Variants in COL21A1 observed in about 807,000 individuals in gnomAD.
COL21A1 encodes the protein collagen alpha-1(XXI) chain.
In COL21A1, 149 loss-of-function variants were observed where a neutral mutation model predicts 137.9. That is an observed-to-expected ratio of 1.08 (90% confidence interval 0.95 to 1.24). The LOEUF (loss-of-function observed/expected upper bound fraction) is 1.24. Ranked by LOEUF, COL21A1 falls within the 50% of genes most tolerant of loss-of-function variation. COL21A1 has a pLI of 0.00. For missense variants in COL21A1, 1,167 were observed against 1,158.4 expected, an observed-to-expected ratio of 1.01 and a Z score of -0.11; for synonymous variants, 456 against 391.5, an observed-to-expected ratio of 1.16 and a Z score of -1.95.
intron 1 of COL21A1, among the ~76,000 whole-genome samples, chr6:56,364,216 A>G (rs1766045543): frequency 6.6e-6 from 1 of 152,088 alleles, no homozygotes; most frequent in Non-Finnish European, 1.5e-5. Context: ...TGGCAGAGGG[A>G]ACCATCGAGA....
At chr6:56,299,169 C>T (rs552788441) in intron 1 of COL21A1, among the ~76,000 whole-genome samples, 22 of 152,162 alleles carry the variant, frequency 1.4e-4, no homozygotes, top group Admixed American at 1.0e-3. Context: ...GGTTCAAACA[C>T]GGAGCTAAAT....
intron 1 of COL21A1, among the ~76,000 whole-genome samples, chr6:56,286,704 C>A (rs1447717011): frequency 6.6e-6 from 1 of 151,826 alleles, no homozygotes; most frequent in Non-Finnish European, 1.5e-5. Context: ...TCTGTTTTTT[C>A]CAACTGAAAA....
intron 1 of COL21A1, among the ~76,000 whole-genome samples, chr6:56,189,334 A>G (rs1172776790): frequency 6.6e-6 from 1 of 151,978 alleles, no homozygotes; most frequent in Non-Finnish European, 1.5e-5. Context: ...ACAAGTATCA[A>G]TAGCTGAATC....
chr6:56,086,021 C>G (rs779698214), intron 17 of COL21A1, among the ~76,000 whole-genome samples: 1 of 150,140 alleles, frequency 6.7e-6, no homozygotes, highest in Non-Finnish European at 1.5e-5. Flanking sequence ...AAGTGAGACT[C>G]TCCTGAAAAC....
At chr6:56,158,266 C>CTTTTTTTTTTTTTTTTTT (rs67453245) in intron 9 of COL21A1, among the ~76,000 whole-genome samples, 19 of 62,406 alleles carry the variant, frequency 3.0e-4, no homozygotes, top group East Asian at 5.4e-4. Flanking sequence ...TTTTTTTTTT[C>CTTTTTTTTTTTTTTTTTT]TTTTTTTTTT....
At chr6:56,122,424 T>C (rs1334671173) in intron 16 of COL21A1, among the ~76,000 whole-genome samples, 1 of 151,946 alleles carries the variant, frequency 6.6e-6, no homozygotes, top group Non-Finnish European at 1.5e-5. Context: ...GCCATTCTCC[T>C]GCCTCAGCCT....
At chr6:56,369,447 A>AT (rs916106975) in intron 1 of COL21A1, among the ~76,000 whole-genome samples, 20 of 150,492 alleles carry the variant, frequency 1.3e-4, no homozygotes, top group African/African-American at 4.5e-4. Flanking sequence ...CAAAATATTG[A>AT]TAAAAAAAGT....
In COL21A1 at chr6:56,150,514, TCACACA is replaced by T. The variant is rs747022399; in HGVS notation, c.1434+6367_1434+6372del. 5.2e-3 allele frequency among the ~76,000 whole-genome samples: 241 copies of T among 46,178 alleles called. 3 individuals are homozygous for T. The highest frequency in any genetic ancestry group is 0.033 in the Admixed American group (159 of 4,770). 30.3% of individuals were successfully genotyped at this position (46,178 alleles called of 152,430 possible). A position where few individuals can be genotyped will look rare whatever the true frequency, so the allele number is the denominator to read the frequency against. On this transcript the variant is annotated intron_variant, in intron 10 of 29. Transcript: ENST00000244728. ...GCCTGGGCGACAGAGCGAGACTCCA[TCACACA>T]CACACACACACACACACACACACAC...
chr6:56,274,774 T>G (rs190694880), intron 1 of COL21A1, among the ~76,000 whole-genome samples: 1 of 152,192 alleles, frequency 6.6e-6, no homozygotes, highest in East Asian at 1.9e-4. Context: ...AAAATCAGTA[T>G]TATTAAAATG....
intron 1 of COL21A1, among the ~76,000 whole-genome samples, chr6:56,232,013 CA>C (rs930892409): frequency 3.0e-4 from 45 of 151,844 alleles, no homozygotes; most frequent in African/African-American, 1.0e-3. Flanking sequence ...TCAACACACA[CA>C]AAAAAAGTTA....
rs1016699668 is a variant in COL21A1 at position 56,057,665 on chromosome 6, T to G, written c.2866A>C (p.Asn956His). The G allele has an allele frequency of 3.7e-6, 6 of 1,612,810 alleles. No homozygotes were observed. In the African/African-American group the frequency reaches 8.0e-5, roughly 22 times the overall value. ...GAATGAGGCATCAGACACTAATAGT[T>G]TGGTCCTTTTCTGAACGGATCTCTT... ...ARRDPFRKGP[N>H]Y is the part of the protein sequence containing the mutation. Residue 956 changes from asparagine to histidine, a missense_variant, in exon 30 of 30, where the codon AAC becomes CAC. By Grantham distance (68) the Asn-to-His change is moderately conservative. Coordinates refer to ENST00000244728, the MANE Select transcript of COL21A1 (RefSeq NM_030820.4).
At chr6:56,172,211 C>A (rs1459393432) in intron 3 of COL21A1, among the ~76,000 whole-genome samples, 2 of 151,966 alleles carry the variant, frequency 1.3e-5, no homozygotes, top group Non-Finnish European at 2.9e-5. Context: ...CAAAGAAATC[C>A]ACACTGAGAC....
chr6:56,190,778 G>A (rs1465344068), intron 1 of COL21A1, among the ~76,000 whole-genome samples: 1 of 152,152 alleles, frequency 6.6e-6, no homozygotes, highest in African/African-American at 2.4e-5. Context: ...TGCAAGGCTG[G>A]TTCAACATAC....
intron 1 of COL21A1, among the ~76,000 whole-genome samples, chr6:56,271,003 G>A (rs1763511991): frequency 6.6e-6 from 1 of 152,142 alleles, no homozygotes; most frequent in Non-Finnish European, 1.5e-5. Flanking sequence ...ACCAGGAGTG[G>A]GGCACTGCTA....
At chr6:56,111,508 T>A (rs981840593) in intron 16 of COL21A1, among the ~76,000 whole-genome samples, 1 of 152,162 alleles carries the variant, frequency 6.6e-6, no homozygotes, top group Non-Finnish European at 1.5e-5. Context: ...AGAAGTTGGA[T>A]AAAGGGTATG....
At chr6:56,286,205 T>C (rs945552424) in intron 1 of COL21A1, among the ~76,000 whole-genome samples, 2 of 152,170 alleles carry the variant, frequency 1.3e-5, no homozygotes. Context: ...AGACCATCCA[T>C]AAAATGAATT....
In COL21A1 at chr6:56,141,768, T is replaced by G; in HGVS notation, c.1542+17A>C. 1.2e-6 allele frequency: 2 copies of G among 1,613,038 alleles called. No homozygotes were observed. The highest frequency in any genetic ancestry group is 1.1e-5 in the South Asian group (1 of 91,052). ...TGAGGGACTAACACCATTGATTGCA[T>G]TTTTGTGTGTGTTTACCTTGTCACC... On this transcript the variant is annotated intron_variant, in intron 12 of 29. Transcript: ENST00000244728.
At chr6:56,148,915 T>C (rs1775059412) in intron 10 of COL21A1, among the ~76,000 whole-genome samples, 1 of 152,226 alleles carries the variant, frequency 6.6e-6, no homozygotes, top group African/African-American at 2.4e-5. Flanking sequence ...AGTTCCTTCG[T>C]GTGCCTCAAG....
At chr6:56,114,682 G>A (rs575321577) in intron 16 of COL21A1, among the ~76,000 whole-genome samples, 114 of 150,602 alleles carry the variant, frequency 7.6e-4, no homozygotes, top group African/African-American at 2.7e-3. Flanking sequence ...AACAGGTGCT[G>A]GAGAGGATGT....
Sources: allele counts gnomAD v4.1 joint callset (sites outside exome capture counted in the v4.1 genomes callset), GRCh38; gene constraint gnomAD v4.1.1; transcripts MANE v1.5; gene names NCBI Gene and HGNC (gene_info 2026-07-23, HGNC 2026-07-21).